Variants in UGT1A4 observed in about 807,000 individuals in gnomAD.
The protein encoded by UGT1A4 is UDP-glucuronosyltransferase 1A4.
Under a neutral mutation model 41.1 loss-of-function variants are expected in UGT1A4, and 32 were observed. The ratio of observed to expected loss-of-function variants is 0.78; its 90% CI spans 0.59 to 1.05. UGT1A4 has a LOEUF of 1.05. Among genes scored for constraint, UGT1A4 ranks in the 50% least tolerant of loss-of-function variants. The probability of loss-of-function intolerance (pLI) is 0.00; values close to 1 mark genes in which losing one functional copy is unlikely to be tolerated. For missense variants in UGT1A4, 748 were observed against 677.4 expected, an observed-to-expected ratio of 1.10 and a Z score of -1.16; for synonymous variants, 283 against 265.1, an observed-to-expected ratio of 1.07 and a Z score of -0.66.
At position 233,719,073 on chromosome 2, in the gene UGT1A4, A is replaced by C. The variant is rs1195063088; in HGVS notation, c.253A>C (p.Thr85Pro). Reference sequence around the variant, plus strand: ...CCTGACAGCCTATGCTGTTCCATGGACCCAGAAGGAATTTGATCGCGTTAC... The same window carrying C: ...CCTGACAGCCTATGCTGTTCCATGGCCCCAGAAGGAATTTGATCGCGTTAC... Reference protein sequence around the residue: ...FTLTAYAVPWTQKEFDRVTLG... With the variant: ...FTLTAYAVPWPQKEFDRVTLG... Residue 85 changes from threonine (T) to proline (P), a missense_variant, in exon 1 of 5, where the codon ACC (threonine) becomes CCC (proline). By Grantham distance (38) the Thr-to-Pro change is conservative. Coordinates refer to ENST00000373409, the MANE Select transcript of UGT1A4 (RefSeq NM_007120.3). The C allele has an allele frequency of 3.7e-6, 6 of 1,614,126 alleles. No homozygotes were observed. The African/African-American group carries it at 8.0e-5, about 22-fold the overall frequency.
chr2:233,773,203 A>T lies in UGT1A4; in HGVS notation c.*644A>T, dbSNP rs1464666615. On this transcript the variant is annotated 3_prime_UTR_variant, in exon 5 of 5. Coordinates refer to ENST00000373409, the MANE Select transcript of UGT1A4 (RefSeq NM_007120.3). ...TATGTCAAATGGAGCTGAATTTGAT[A>T]AAAACCCAAAATACAGCTATGAAGT... The T allele has an allele frequency of 6.6e-6, 1 of 152,516 alleles. No homozygotes were observed. The highest frequency in any genetic ancestry group is 2.4e-5 in the African/African-American group (1 of 41,468). 9.4% of individuals were successfully genotyped at this position (152,516 alleles called of 1,614,324 possible). A position where few individuals can be genotyped will look rare whatever the true frequency, so the allele number is the denominator to read the frequency against.
At chr2:233,727,507 A>C (rs2077622461) in intron 1 of UGT1A4, among the ~76,000 whole-genome samples, 2 of 152,166 alleles carry the variant, frequency 1.3e-5, no homozygotes, top group African/African-American at 4.8e-5. Flanking sequence ...GGAGCCCATG[A>C]ATGTGGGAAG....
intron 1 of UGT1A4, chr2:233,760,299 G>A (rs781590934): frequency 6.2e-7 from 1 of 1,613,582 alleles, no homozygotes. Context: ...TGGCTGTGGA[G>A]TCCCAGGGCG....
rs1697406226 is a variant in UGT1A4, at chr2:233,760,332, G to C, written c.868-6702G>C. On this transcript the variant is annotated intron_variant, in intron 1 of 4. Coordinates refer to ENST00000373409, the MANE Select transcript of UGT1A4 (RefSeq NM_007120.3). Reference sequence around the variant, plus strand: ...GCGGACGCCCACTTGTCCTGGGCCTGCTGCTGTGTGTGCTGGGCCCAGTGG... The same window carrying C: ...GCGGACGCCCACTTGTCCTGGGCCTCCTGCTGTGTGTGCTGGGCCCAGTGG... 6.2e-7 allele frequency: 1 copy of C among 1,613,946 alleles called. No homozygotes were observed. Among genetic ancestry groups the C allele is most frequent in the African/African-American group, 1.3e-5 (1 of 74,948 alleles).
chr2:233,730,805 C>T lies in UGT1A4; in HGVS notation c.867+11118C>T, dbSNP rs1300674674. On this transcript the variant is annotated intron_variant, in intron 1 of 4. Coordinates refer to ENST00000373409, the MANE Select transcript of UGT1A4 (RefSeq NM_007120.3). ...CTGGGGACAGTGATGAATGGACATG[C>T]GTCCAAGAAGGGAAGCATTTCTCAG... Among the ~76,000 whole-genome samples the T allele has an allele frequency of 3.3e-5, 5 of 152,230 alleles. 1 individual carries two copies. The highest frequency in any genetic ancestry group is 2.0e-4 in the Admixed American group (3 of 15,282).
chr2:233,747,592 C>G (rs1434418426), intron 1 of UGT1A4: 13 of 1,575,650 alleles, frequency 8.3e-6, no homozygotes, highest in Admixed American at 6.7e-5. Flanking sequence ...TTTCATAGGT[C>G]TTGTGTGGAG....
At chr2:233,723,536 T>TTTTTA (rs1553611580) in intron 1 of UGT1A4, among the ~76,000 whole-genome samples, 1 of 121,444 alleles carries the variant, frequency 8.2e-6, no homozygotes, top group African/African-American at 3.3e-5. Flanking sequence ...TTTTTTTTTT[T>TTTTTA]AATTTATTTT....
Position 233,718,914 on chromosome 2 carries a change from T to C in UGT1A4, c.94T>C (p.Leu32=), listed in dbSNP as rs373069908. Residue 32 remains leucine (L), a synonymous_variant, in exon 1 of 5, where the codon TTG becomes CTG. Coordinates refer to ENST00000373409, the MANE Select transcript of UGT1A4 (RefSeq NM_007120.3). ...VQPWAESGKV[L]VVPTDGSPWL... The stretch of plus-strand genomic sequence containing the variant: ...GCCCTGGGCTGAGAGTGGAAAGGTG[T>C]TGGTGGTGCCCACTGATGGCAGCCC... The C allele has an allele frequency of 4.2e-5, 68 of 1,613,948 alleles. No homozygotes were observed. The highest frequency in any genetic ancestry group is 6.7e-5 in the Admixed American group (4 of 60,006).
intron 1 of UGT1A4, chr2:233,760,273 A>G (rs113386420): frequency 2.5e-6 from 4 of 1,612,532 alleles, no homozygotes; most frequent in Admixed American, 1.7e-5. Flanking sequence ...AACCTCTGGC[A>G]GGAGCAAAGG....
chr2:233,769,826 G>A lies in UGT1A4; in HGVS notation c.1307+1387G>A. ...GCCGTGATCATGCCACTGCACTCCA[G>A]CAACCTGGGCAACAGAGTGAGACCC... On this transcript the variant is annotated intron_variant, in intron 4 of 4. Transcript: ENST00000373409. This position sits in a 1 kb window ranked among gnomAD's most constrained non-coding sequence, Gnocchi z 4.4. 1.5e-6 allele frequency: 1 copy of A among 678,694 alleles called. No individual in the cohort carries two copies. Among genetic ancestry groups the A allele is most frequent in the East Asian group, 3.3e-5 (1 of 29,888 alleles). The allele number at this position is 678,694 out of a possible 1,614,324, so 42.0% of individuals were successfully genotyped here.
chr2:233,730,011 C>T (rs762436427), intron 1 of UGT1A4: 31 of 1,613,760 alleles, frequency 1.9e-5, no homozygotes, highest in Non-Finnish European at 2.4e-5. Flanking sequence ...TTGGTGCCTT[C>T]ATCCAATCAA....
Position 233,769,302 on chromosome 2 carries a change from T to C in UGT1A4, c.1307+863T>C, listed in dbSNP as rs139674601. 9.5e-4 allele frequency among the ~76,000 whole-genome samples: 145 copies of C among 152,348 alleles called. No homozygotes were observed. The highest frequency in any genetic ancestry group is 3.0e-3 in the African/African-American group (125 of 41,572). Reference sequence around the variant, plus strand: ...TGATTTCTGGATTAAAGTTAGTATATTACTGTCAAGCTCACTGGTAATAGG... The same window carrying C: ...TGATTTCTGGATTAAAGTTAGTATACTACTGTCAAGCTCACTGGTAATAGG... On this transcript the variant is annotated intron_variant, in intron 4 of 4. Transcript: ENST00000373409. This position sits in a 1 kb window ranked among gnomAD's most constrained non-coding sequence, Gnocchi z 4.4.
intron 1 of UGT1A4, among the ~76,000 whole-genome samples, chr2:233,735,627 A>T (rs1296033984): frequency 1.3e-5 from 2 of 152,164 alleles, no homozygotes; most frequent in Non-Finnish European, 2.9e-5. Flanking sequence ...ACAATTTGGC[A>T]TGTTTTTGCA....
intron 1 of UGT1A4, chr2:233,741,767 G>A (rs1691768451): frequency 6.6e-6 from 1 of 151,872 alleles, no homozygotes; most frequent in South Asian, 2.1e-4. Flanking sequence ...ATGTGTTCAG[G>A]CCATGATTTT....
intron 1 of UGT1A4, among the ~76,000 whole-genome samples, chr2:233,757,541 T>TATACATATACATAC (rs1229454769): frequency 8.5e-6 from 1 of 117,592 alleles, no homozygotes; most frequent in Admixed American, 8.1e-5. Context: ...AAGGAATATA[T>TATACATATACATAC]ATATATATAT....
At chr2:233,748,166 C>T in intron 1 of UGT1A4, 1 of 1,593,318 alleles carries the variant, frequency 6.3e-7, no homozygotes, top group South Asian at 1.1e-5. Context: ...TCCATATCTA[C>T]TTATCTTTCT....
intron 1 of UGT1A4, chr2:233,743,038 A>C (rs968490640): frequency 1.1e-4 from 31 of 283,022 alleles, no homozygotes; most frequent in Non-Finnish European, 2.8e-5. Context: ...CAGAGGTCCT[A>C]TCCGTGTAGT....
chr2:233,726,601 T>G (rs1416735332), intron 1 of UGT1A4, among the ~76,000 whole-genome samples: 18 of 152,204 alleles, frequency 1.2e-4, no homozygotes, highest in African/African-American at 4.3e-4. Context: ...CCCTTGTGAT[T>G]ACACTGTCCT....
intron 1 of UGT1A4, chr2:233,760,250 G>GT: frequency 6.2e-7 from 1 of 1,601,220 alleles, no homozygotes; most frequent in Non-Finnish European, 8.5e-7. Flanking sequence ...ATATATATAA[G>GT]TAGGAGAGGG....
Sources: gnomAD v4.1 joint callset for allele counts (sites outside exome capture counted in the v4.1 genomes callset) on GRCh38, gnomAD v4.1.1 for gene constraint, Gnocchi (gnomAD v3.1) non-coding constraint, MANE v1.5 for transcripts, NCBI Gene and HGNC (gene_info 2026-07-23, HGNC 2026-07-21) for gene names.